The following AOX1 variants were observed in gnomAD, a reference collection of about 807,000 sequenced individuals.
AOX1 encodes aldehyde oxidase.
AOX1 carries 153 observed loss-of-function variants against 169.5 expected under a neutral mutation model. The observed-to-expected ratio is 0.90, with a 90% confidence interval of 0.79 to 1.03. The LOEUF (loss-of-function observed/expected upper bound fraction) is 1.03, where lower values mean the gene tolerates loss of function less well. AOX1 is among the 50% of genes least tolerant of loss of function. AOX1 has a pLI of 0.00. For missense variants in AOX1, 1,656 were observed against 1,663.9 expected (o/e 1.00, Z 0.08); for synonymous variants, 562 against 581.9 (o/e 0.97, Z 0.49).
Position 200,638,292 on chromosome 2 carries a change from G to T in AOX1, c.2558G>T (p.Gly853Val). 6.2e-7 allele frequency: 1 copy of T among 1,613,548 alleles called. No homozygotes were observed. Among genetic ancestry groups the T allele is most frequent in the Non-Finnish European group, 8.5e-7 (1 of 1,179,602 alleles). ...ACTGGAGGCCGCCATCCTTACCTTGGAAAGTACAAAGTGAGTACAAGAGGG... is the reference window on the plus strand; with the variant it reads ...ACTGGAGGCCGCCATCCTTACCTTGTAAAGTACAAAGTGAGTACAAGAGGG... ...LITGGRHPYL[G>V]KYKAGFMNDG... The change falls in exon 23 of 35, where the codon GGA becomes GTA. Residue 853 changes from glycine to valine, a missense_variant. Gly to Val is a moderately radical substitution (Grantham distance 109). Coordinates refer to ENST00000374700, the MANE Select transcript of AOX1 (RefSeq NM_001159.4).
At chr2:200,655,141 C>G (rs1240652852) in intron 26 of AOX1, among the ~76,000 whole-genome samples, 1 of 152,230 alleles carries the variant, frequency 6.6e-6, no homozygotes, top group Non-Finnish European at 1.5e-5. Flanking sequence ...GATTGCATGG[C>G]TATGCTACTG....
rs567981465 is a variant in AOX1 at position 200,613,151 on chromosome 2, T to C, written c.1448+358T>C. On this transcript the variant is annotated intron_variant, in intron 14 of 34. Coordinates refer to ENST00000374700, the MANE Select transcript of AOX1 (RefSeq NM_001159.4). Reference sequence around the variant, plus strand: ...CCAATTATGTGAGTTTGTTCTATAATAAATTGTTAAAGGCATTTGCTTACC... The same window carrying C: ...CCAATTATGTGAGTTTGTTCTATAACAAATTGTTAAAGGCATTTGCTTACC... 3.9e-5 allele frequency among the ~76,000 whole-genome samples: 6 copies of C among 152,260 alleles called. No homozygotes were observed. In the East Asian group the frequency reaches 7.7e-4, roughly 20 times the overall value.
In AOX1 at chr2:200,661,925, C is replaced by T. The variant is rs973618391; in HGVS notation, c.3428+294C>T. On this transcript the variant is annotated intron_variant, in intron 30 of 34. Coordinates refer to ENST00000374700, the MANE Select transcript of AOX1 (RefSeq NM_001159.4). Reference sequence around the variant, plus strand: ...CTCTCTGTGGTTAGTACTTGGAATACTCGGCAGTGGTTGACTTTTTGTTGA... The same window carrying T: ...CTCTCTGTGGTTAGTACTTGGAATATTCGGCAGTGGTTGACTTTTTGTTGA... Among the ~76,000 whole-genome samples, 3 of 152,104 alleles carry T rather than the reference C, an allele frequency of 2.0e-5. No homozygotes were observed. In the South Asian group the frequency reaches 6.2e-4, roughly 32 times the overall value.
At chr2:200,626,958 A>G (rs571379910) in intron 19 of AOX1, among the ~76,000 whole-genome samples, 1 of 152,234 alleles carries the variant, frequency 6.6e-6, no homozygotes, top group Non-Finnish European at 1.5e-5. Context: ...CAAAGCTGGT[A>G]AGTGGGAAAA....
chr2:200,605,678 AT>A, intron 10 of AOX1, 50 bp downstream of exon 10: 1 of 871,134 alleles, frequency 1.1e-6, no homozygotes, highest in Non-Finnish European at 1.7e-6. Flanking sequence ...TAATCAATTT[AT>A]TTACCTTGCC....
chr2:200,664,104 G>A (rs1464925478), intron 31 of AOX1, among the ~76,000 whole-genome samples: 1 of 140,028 alleles, frequency 7.1e-6, no homozygotes, highest in Non-Finnish European at 1.5e-5. Context: ...GCGGGTTCTT[G>A]CATAGAACTG....
Position 200,636,938 on chromosome 2 carries a change from C to T in AOX1, c.2374C>T (p.Pro792Ser). 1 of 1,613,860 alleles carries T rather than the reference C, an allele frequency of 6.2e-7. No individual in the cohort carries two copies. The highest frequency in any genetic ancestry group is 1.7e-5 in the Admixed American group (1 of 59,984). ...QDIVASTLKLPANKVMCHVRR... is the reference protein window; with the variant it reads ...QDIVASTLKLSANKVMCHVRR... ...CATTGTTGCCTCAACCTTGAAGCTC[C>T]CAGCTAACAAGGTCATGTGCCATGT... Residue 792 changes from proline to serine, a missense_variant, in exon 22 of 35, where the codon CCA becomes TCA. Pro to Ser is a moderately conservative substitution (Grantham distance 74). Transcript: ENST00000374700.
At chr2:200,632,175 C>T (rs1183955801) in intron 20 of AOX1, among the ~76,000 whole-genome samples, 1 of 151,898 alleles carries the variant, frequency 6.6e-6, no homozygotes, top group Non-Finnish European at 1.5e-5. Flanking sequence ...TTATTCTTTT[C>T]CCCACCTTCC....
chr2:200,595,331 A>G lies in AOX1; in HGVS notation c.163A>G (p.Met55Val), dbSNP rs769926071. Residue 55 changes from methionine to valine, a missense_variant, in exon 3 of 35, where the codon ATG becomes GTG. Coordinates refer to ENST00000374700, the MANE Select transcript of AOX1 (RefSeq NM_001159.4). ...GGGGCGACTV[M>V]ISRYNPITKR... ...AGGAGGCTGTGGTGCTTGTACAGTG[A>G]TGATATCACGATACAACCCCATCAC... 8.1e-6 allele frequency: 13 copies of G among 1,612,992 alleles called. No homozygotes were observed. Among genetic ancestry groups the G allele is most frequent in the Non-Finnish European group, 1.1e-5 (13 of 1,179,308 alleles).
downstream of AOX1, among the ~76,000 whole-genome samples, chr2:200,674,913 A>T (rs2036075157): frequency 6.6e-6 from 1 of 152,140 alleles, no homozygotes; most frequent in African/African-American, 2.4e-5. Flanking sequence ...AGCCATCACC[A>T]CTATCTAAGG....
intron 11 of AOX1, 87 bp from the exon 12 acceptor site, chr2:200,609,234 T>C: frequency 6.3e-7 from 1 of 1,587,396 alleles, no homozygotes; most frequent in Non-Finnish European, 8.6e-7. Context: ...ACAAAAAAAA[T>C]AGTTCTCCAA....
At chr2:200,609,567 T>A (rs2034590595) in intron 12 of AOX1, among the ~76,000 whole-genome samples, 153 bp downstream of exon 12, 1 of 152,228 alleles carries the variant, frequency 6.6e-6, no homozygotes, top group Non-Finnish European at 1.5e-5. Context: ...TTGTGAGTCT[T>A]GTCTTAATAG....
At chr2:200,604,648 G>A (rs757212324) in intron 8 of AOX1, 48 bp from the exon 9 acceptor site, 1 of 1,601,226 alleles carries the variant, frequency 6.2e-7, no homozygotes, top group Admixed American at 1.7e-5. Flanking sequence ...GGAAACAGGT[G>A]GAGATGGCAT....
At chr2:200,592,077 T>C (rs954710991) in intron 1 of AOX1, among the ~76,000 whole-genome samples, 2 of 152,180 alleles carry the variant, frequency 1.3e-5, no homozygotes, top group African/African-American at 4.8e-5. Flanking sequence ...TAAGTAAGTT[T>C]GGAAAATAAA....
At chr2:200,681,493 A>AG (rs1004331831), downstream of AOX1, 1 of 152,690 alleles carries the variant, frequency 6.5e-6, no homozygotes. Context: ...TTGAGTGGTA[A>AG]GTCTCTAACC....
chr2:200,665,198 C>T (rs1574964424), intron 31 of AOX1, among the ~76,000 whole-genome samples: 1 of 152,212 alleles, frequency 6.6e-6, no homozygotes, highest in East Asian at 1.9e-4. Context: ...GTACCCGAGA[C>T]AGAAGCCCAG....
intron 20 of AOX1, among the ~76,000 whole-genome samples, 195 bp downstream of exon 20, chr2:200,627,644 A>G (rs2035034961): frequency 6.6e-6 from 1 of 152,102 alleles, no homozygotes; most frequent in African/African-American, 2.4e-5. Context: ...GGGAGGCAAA[A>G]GAGGAGGCAA....
chr2:200,640,402 C>T (rs2035330807), intron 23 of AOX1, among the ~76,000 whole-genome samples: 1 of 151,940 alleles, frequency 6.6e-6, no homozygotes, highest in Non-Finnish European at 1.5e-5. Flanking sequence ...TGGTAGACAG[C>T]GGGAGGCAGC....
chr2:200,610,209 C>A (rs1409978138), intron 12 of AOX1, among the ~76,000 whole-genome samples: 1 of 152,008 alleles, frequency 6.6e-6, no homozygotes, highest in African/African-American at 2.4e-5. Context: ...GTAGCTAGGA[C>A]TGCAGGCATG....
Sources: gnomAD v4.1 joint callset for allele counts (sites outside exome capture counted in the v4.1 genomes callset) on GRCh38, gnomAD v4.1.1 for gene constraint, MANE v1.5 for transcripts, NCBI Gene and HGNC (gene_info 2026-07-23, HGNC 2026-07-21) for gene names.